TIMD4: variants seen among roughly 807,000 people sequenced by gnomAD.
The protein encoded by TIMD4 is T-cell immunoglobulin and mucin domain-containing protein 4.
Under a neutral mutation model 41.2 loss-of-function variants are expected in TIMD4, and 31 were observed. The observed-to-expected ratio is 0.75, with a 90% confidence interval of 0.57 to 1.01. The LOEUF is 1.01. Ranked by LOEUF, TIMD4 falls within the 50% of genes least tolerant of loss-of-function variation. The pLI is 0.00. For missense variants in TIMD4, 479 were observed against 472.5 expected (o/e 1.01, Z -0.13); for synonymous variants, 204 against 177.1 (o/e 1.15, Z -1.21).
intron 5 of TIMD4, among the ~76,000 whole-genome samples, chr5:156,940,584 G>A (rs1470413533): frequency 1.3e-5 from 2 of 149,590 alleles, no homozygotes; most frequent in African/African-American, 2.5e-5. Context: ...TCTGGGATGT[G>A]AGGAGCGCCT....
At position 156,945,369 on chromosome 5, in the gene TIMD4, A is replaced by G. The variant is rs558500920; in HGVS notation, c.844+3047T>C. ...TAATACATGCAACGTGCATGGTGTT[A>G]AAACAAGGCAGACCTACAATGGTAG... On this transcript the variant is annotated intron_variant, in intron 5 of 8. Transcript: ENST00000274532. Among the ~76,000 whole-genome samples the G allele has an allele frequency of 3.3e-5, 5 of 152,374 alleles. No individual in the cohort carries two copies. The South Asian group carries it at 1.0e-3, about 32-fold the overall frequency.
intron 6 of TIMD4, among the ~76,000 whole-genome samples, chr5:156,923,062 T>C (rs1321064409): frequency 6.6e-6 from 1 of 152,134 alleles, no homozygotes; most frequent in African/African-American, 2.4e-5. Flanking sequence ...TTAAACTTTT[T>C]TTTTTTAATT....
At chr5:156,957,516 A>AAAAAAAAAG in intron 1 of TIMD4, among the ~76,000 whole-genome samples, 1 of 149,900 alleles carries the variant, frequency 6.7e-6, no homozygotes, top group Non-Finnish European at 1.5e-5. Context: ...CTATCTCAAA[A>AAAAAAAAAG]AAAAAAAAGA....
chr5:156,920,352 C>T, intron 8 of TIMD4, 112 bp downstream of exon 8: 1 of 1,196,610 alleles, frequency 8.4e-7, no homozygotes, highest in Non-Finnish European at 1.2e-6. Context: ...ATCTTTCCAA[C>T]TCTATGTGTA....
intron 5 of TIMD4, among the ~76,000 whole-genome samples, chr5:156,941,144 C>T (rs1044171540): frequency 1.3e-5 from 2 of 151,928 alleles, no homozygotes; most frequent in African/African-American, 4.8e-5. Flanking sequence ...ATCACCACTC[C>T]CTAATCTCAA....
At chr5:156,938,179 G>GA (rs1437335735) in intron 5 of TIMD4, among the ~76,000 whole-genome samples, 4 of 152,182 alleles carry the variant, frequency 2.6e-5, no homozygotes, top group African/African-American at 9.7e-5. Flanking sequence ...AGCCAGAAGA[G>GA]ACTCCTACCT....
chr5:156,940,744 A>C (rs111637054), intron 5 of TIMD4, among the ~76,000 whole-genome samples: 42,798 of 151,240 alleles, frequency 0.28, 6,250 homozygotes, highest in Admixed American at 0.35. Context: ...AAGTGAGGAG[A>C]GTCTCCACCC....
intron 5 of TIMD4, among the ~76,000 whole-genome samples, chr5:156,929,260 C>A (rs570575870): frequency 6.6e-6 from 1 of 152,298 alleles, no homozygotes; most frequent in East Asian, 1.9e-4. Flanking sequence ...ATTCTCAAGG[C>A]CCTGAGCTCT....
At chr5:156,945,613 G>T (rs1282122875) in intron 5 of TIMD4, among the ~76,000 whole-genome samples, 1 of 152,170 alleles carries the variant, frequency 6.6e-6, no homozygotes, top group East Asian at 1.9e-4. Flanking sequence ...TGGGAAGAGA[G>T]GAAGTAGGGA....
chr5:156,961,321 G>T (rs576089115), intron 1 of TIMD4, among the ~76,000 whole-genome samples: 81 of 152,298 alleles, frequency 5.3e-4, no homozygotes, highest in Non-Finnish European at 1.0e-3. Context: ...AAACAGTATG[G>T]TGATTCCTTA....
chr5:156,934,599 CA>C (rs1475380732), intron 5 of TIMD4, among the ~76,000 whole-genome samples: 1 of 152,010 alleles, frequency 6.6e-6, no homozygotes, highest in Non-Finnish European at 1.5e-5. Context: ...GCCAAATTAT[CA>C]CATTTAATGT....
chr5:156,940,262 A>G (rs1016486481), intron 5 of TIMD4, among the ~76,000 whole-genome samples: 1 of 152,184 alleles, frequency 6.6e-6, no homozygotes, highest in South Asian at 2.1e-4. Context: ...ACAGTGCTCA[A>G]TGTCGCCCAG....
chr5:156,926,945 A>T (rs1002172166), intron 5 of TIMD4, among the ~76,000 whole-genome samples: 2 of 152,202 alleles, frequency 1.3e-5, no homozygotes, highest in Non-Finnish European at 2.9e-5. Flanking sequence ...AGGGAACCAT[A>T]CTGAGAATCT....
intron 3 of TIMD4, 72 bp downstream of exon 3, chr5:156,951,440 A>C: frequency 6.4e-7 from 1 of 1,571,030 alleles, no homozygotes; most frequent in African/African-American, 1.3e-5. Context: ...ACACTGAGAG[A>C]GAGCAAGTCA....
intron 5 of TIMD4, among the ~76,000 whole-genome samples, chr5:156,946,307 T>G (rs1759739574): frequency 2.0e-5 from 3 of 152,182 alleles, no homozygotes; most frequent in Admixed American, 2.0e-4. Context: ...CCCATTTCCC[T>G]TAAATTATCA....
intron 5 of TIMD4, among the ~76,000 whole-genome samples, chr5:156,947,430 G>A (rs530224802): frequency 6.6e-6 from 1 of 152,068 alleles, no homozygotes; most frequent in Non-Finnish European, 1.5e-5. Flanking sequence ...TTTACTTTTT[G>A]GTCACCATCC....
chr5:156,929,381 C>A (rs1759407456), intron 5 of TIMD4, among the ~76,000 whole-genome samples: 1 of 152,194 alleles, frequency 6.6e-6, no homozygotes, highest in African/African-American at 2.4e-5. Context: ...CCTCTCCCCA[C>A]CAAATCACAT....
chr5:156,954,433 G>T lies in TIMD4; in HGVS notation c.382C>A (p.Arg128Ser), dbSNP rs141557472. The T allele has an allele frequency of 1.4e-5, 23 of 1,613,742 alleles. No homozygotes were observed. Among genetic ancestry groups the T allele is most frequent in the Middle Eastern group, 1.7e-4 (1 of 6,060 alleles). ...GWFNDVKINVRLNLQRASTTT... is the reference protein window; with the variant it reads ...GWFNDVKINVSLNLQRASTTT... ...TGCTTACCTCTCTGTAGATTCAGGC[G>T]CACGTTTATCTTTACATCGTTGAAC... Residue 128 changes from arginine to serine, a missense_variant, in exon 2 of 9, where the codon CGC becomes AGC. By Grantham distance (110) the Arg-to-Ser change is moderately radical. Transcript: ENST00000274532.
At chr5:156,921,314 GGAACATATA>G (rs1270300118) in intron 7 of TIMD4, among the ~76,000 whole-genome samples, 1 of 151,902 alleles carries the variant, frequency 6.6e-6, no homozygotes, top group Non-Finnish European at 1.5e-5. Flanking sequence ...TTGCTTTTAG[GGAACATATA>G]AGAAAACCAG....
Sources: allele counts gnomAD v4.1 joint callset (sites outside exome capture counted in the v4.1 genomes callset), GRCh38; gene constraint gnomAD v4.1.1; transcripts MANE v1.5; gene names NCBI Gene and HGNC (gene_info 2026-07-23, HGNC 2026-07-21).